The following DCDC1 variants were observed in gnomAD, a reference collection of about 807,000 sequenced individuals.
The protein encoded by DCDC1 is doublecortin domain containing 1.
In DCDC1, 200 loss-of-function variants were observed where a neutral mutation model predicts 178.3. The ratio of observed to expected loss-of-function variants is 1.12; its 90% CI spans 1.00 to 1.26. The LOEUF (loss-of-function observed/expected upper bound fraction) is 1.26. Ranked by LOEUF, DCDC1 falls within the 50% of genes most tolerant of loss-of-function variation. The pLI, the probability that DCDC1 is intolerant of heterozygous loss-of-function variation, is 0.00. For synonymous variants in DCDC1, 690 were observed against 604.8 expected (o/e 1.14, Z -2.07); for missense variants, 1,983 against 1,749.2 (o/e 1.13, Z -2.38).
chr11:31,066,465 T>G (rs568239746), intron 18 of DCDC1, among the ~76,000 whole-genome samples: 11 of 152,272 alleles, frequency 7.2e-5, no homozygotes, highest in Non-Finnish European at 1.3e-4. Flanking sequence ...CTTTTTAAAG[T>G]GTGGAGCTAA....
At chr11:31,316,361 A>G (rs1949120470) in intron 3 of DCDC1, among the ~76,000 whole-genome samples, 1 of 126,858 alleles carries the variant, frequency 7.9e-6, no homozygotes, top group African/African-American at 3.3e-5. Context: ...CTGGTGTGAA[A>G]TGATATCTCA....
intron 27 of DCDC1, 66 bp downstream of exon 27, chr11:30,915,445 C>A (rs891795381): frequency 2.8e-5 from 44 of 1,549,882 alleles, no homozygotes; most frequent in Middle Eastern, 1.8e-4. Context: ...TCTGTGGGGA[C>A]CATGCTAGAC....
intron 20 of DCDC1, 141 bp from the exon 21 acceptor site, chr11:30,952,709 G>A (rs1253153655): frequency 4.9e-6 from 2 of 408,404 alleles, no homozygotes; most frequent in Non-Finnish European, 8.7e-6. Context: ...AAAATTTGCT[G>A]TGTAAAGAGA....
At chr11:30,919,560 G>C (rs1946095115) in intron 25 of DCDC1, among the ~76,000 whole-genome samples, 1 of 152,122 alleles carries the variant, frequency 6.6e-6, no homozygotes, top group Admixed American at 6.5e-5. Flanking sequence ...ACATTCTTTA[G>C]AAGGGGATGT....
chr11:31,166,417 C>T (rs1966795262), intron 9 of DCDC1, among the ~76,000 whole-genome samples: 1 of 152,150 alleles, frequency 6.6e-6, no homozygotes, highest in Non-Finnish European at 1.5e-5. Flanking sequence ...TAGGACTTTA[C>T]AGCAGAGGGA....
chr11:31,294,438 C>A (rs1279732737), intron 6 of DCDC1, among the ~76,000 whole-genome samples: 2 of 150,900 alleles, frequency 1.3e-5, no homozygotes, highest in African/African-American at 4.9e-5. Flanking sequence ...AAAAAACTAG[C>A]CAGGCATTGT....
At chr11:31,144,694 A>G (rs1591203549) in intron 9 of DCDC1, among the ~76,000 whole-genome samples, 1 of 152,044 alleles carries the variant, frequency 6.6e-6, no homozygotes, top group East Asian at 1.9e-4. Context: ...TTCTTTTGCT[A>G]TATGTATTTT....
intron 1 of DCDC1, among the ~76,000 whole-genome samples, chr11:31,341,432 T>TAGATAGAG (rs1950542536): frequency 7.2e-6 from 1 of 139,458 alleles, no homozygotes; most frequent in South Asian, 2.3e-4. Flanking sequence ...GATAGATAGA[T>TAGATAGAG]AGATAGACAT....
chr11:31,126,349 T>G (rs1045658265), intron 11 of DCDC1, among the ~76,000 whole-genome samples: 1 of 152,178 alleles, frequency 6.6e-6, no homozygotes, highest in African/African-American at 2.4e-5. Flanking sequence ...CCCTTGACCT[T>G]GATGTCTTGA....
At chr11:30,973,117 C>T (rs182590366) in intron 20 of DCDC1, among the ~76,000 whole-genome samples, 1 of 151,706 alleles carries the variant, frequency 6.6e-6, no homozygotes, top group Admixed American at 6.6e-5. Flanking sequence ...ACTAAAAATA[C>T]AAAATTTAGC....
intron 1 of DCDC1, among the ~76,000 whole-genome samples, chr11:31,364,491 G>C (rs544511329): frequency 6.6e-6 from 1 of 152,236 alleles, no homozygotes; most frequent in South Asian, 2.1e-4. Context: ...TGTGAAGATA[G>C]GAAAACAGGA....
At chr11:31,191,166 T>C (rs2136350179) in intron 9 of DCDC1, among the ~76,000 whole-genome samples, 1 of 152,246 alleles carries the variant, frequency 6.6e-6, no homozygotes, top group African/African-American at 2.4e-5. Flanking sequence ...AATGACCAAA[T>C]AAAGATCTGT....
chr11:31,183,992 A>C lies in DCDC1; in HGVS notation c.1222-46208T>G, dbSNP rs182475152. ...CCATATAGCCAAGACAATCCTAAGC[A>C]AAAAGAACAAAGCTGGAGGCATCAC... On this transcript the variant is annotated intron_variant, in intron 9 of 38. Transcript: ENST00000684477. Among the ~76,000 whole-genome samples, 252 of 152,286 alleles carry C rather than the reference A, an allele frequency of 1.7e-3. 2 individuals are homozygous for C. The highest frequency in any genetic ancestry group is 5.7e-3 in the African/African-American group (235 of 41,570).
chr11:31,020,922 AT>A (rs1426608201), intron 20 of DCDC1, among the ~76,000 whole-genome samples: 2 of 152,254 alleles, frequency 1.3e-5, no homozygotes, highest in Admixed American at 6.5e-5. Flanking sequence ...CAATAAGAAA[AT>A]ACTGAAATCC....
rs537899864 is a variant in DCDC1, at chr11:31,038,245, A to G, written c.2591+26224T>C. Among the ~76,000 whole-genome samples the G allele has an allele frequency of 1.3e-5, 2 of 152,200 alleles. 1 individual carries two copies. The highest frequency in any genetic ancestry group is 2.9e-5 in the Non-Finnish European group (2 of 67,998). On this transcript the variant is annotated intron_variant, in intron 20 of 38. Coordinates refer to ENST00000684477, the MANE Select transcript of DCDC1 (RefSeq NM_001387274.1). ...TATATATATACACACACACACATAA[A>G]AACTTGAAAAAAATGAATTTAAGTG... is the stretch of plus-strand genomic sequence containing the variant.
In DCDC1 at chr11:31,003,891, A is replaced by C. The variant is rs544173764; in HGVS notation, c.2592-51323T>G. ...AATTAGAAGGCAAGAGGAATTTTCA[A>C]GAATTGGGTGAATCCAACAGTGTCC... On this transcript the variant is annotated intron_variant, in intron 20 of 38. Transcript: ENST00000684477. Among the ~76,000 whole-genome samples the C allele has an allele frequency of 2.6e-5, 4 of 152,330 alleles. No individual in the cohort carries two copies. In the South Asian group the frequency reaches 8.3e-4, roughly 32 times the overall value.
chr11:31,214,020 A>C (rs1182894874), intron 9 of DCDC1, among the ~76,000 whole-genome samples: 1 of 152,138 alleles, frequency 6.6e-6, no homozygotes, highest in Non-Finnish European at 1.5e-5. Flanking sequence ...TTTATAATTT[A>C]TAAATTTCTG....
chr11:31,037,761 C>A (rs975343297), intron 20 of DCDC1, among the ~76,000 whole-genome samples: 12 of 152,038 alleles, frequency 7.9e-5, no homozygotes, highest in Non-Finnish European at 1.3e-4. Flanking sequence ...CTGCGCCTGG[C>A]CTAAATATTT....
At chr11:30,873,613 C>A in intron 38 of DCDC1, among the ~76,000 whole-genome samples, 1 of 152,020 alleles carries the variant, frequency 6.6e-6, no homozygotes, top group Non-Finnish European at 1.5e-5. Flanking sequence ...GGTGAGCCTG[C>A]CAGGGATGCA....
Sources: allele counts gnomAD v4.1 joint callset (sites outside exome capture counted in the v4.1 genomes callset), GRCh38; gene constraint gnomAD v4.1.1; transcripts MANE v1.5; gene names NCBI Gene and HGNC (gene_info 2026-07-23, HGNC 2026-07-21).